Variants in MROH2A observed in about 807,000 individuals in gnomAD.
MROH2A encodes maestro heat like repeat family member 2A.
A neutral mutation model predicts 200.4 loss-of-function variants in MROH2A; 174 were observed. The ratio of observed to expected loss-of-function variants is 0.87; its 90% CI spans 0.77 to 0.98. The LOEUF is 0.98. Ranked by LOEUF, MROH2A falls within the 50% of genes least tolerant of loss-of-function variation. The pLI is 0.00. For missense variants in MROH2A, 2,045 were observed against 2,139.6 expected (o/e 0.96, Z 0.87); for synonymous variants, 829 against 840.4 (o/e 0.99, Z 0.23).
intron 39 of MROH2A, 125 bp from the exon 40 acceptor site, chr2:233,832,052 T>C: frequency 2.8e-6 from 2 of 717,240 alleles, no homozygotes; most frequent in Non-Finnish European, 4.7e-6. Context: ...TCACCTGCTG[T>C]GTGACGCTGG....
At position 233,795,762 on chromosome 2, in the gene MROH2A, C is replaced by T; in HGVS notation, c.1059+17C>T. 6 of 1,550,944 alleles carry T rather than the reference C, an allele frequency of 3.9e-6. No individual in the cohort carries two copies. Among genetic ancestry groups the T allele is most frequent in the Non-Finnish European group, 5.2e-6 (6 of 1,147,072 alleles). On this transcript the variant is annotated intron_variant, in intron 9 of 41. Coordinates refer to ENST00000389758, the MANE Select transcript of MROH2A (RefSeq NM_001394639.1). ...CACGTCCAGGTGAGGCCAGCAAGCT[C>T]AGCTGGACAAGGGCATTCTCTGGGT... is the stretch of plus-strand genomic sequence containing the variant.
At chr2:233,819,238 G>A in intron 29 of MROH2A, 79 bp from the exon 30 acceptor site, 2 of 1,391,638 alleles carry the variant, frequency 1.4e-6, no homozygotes, top group Non-Finnish European at 2.0e-6. Context: ...GGGGCCATGG[G>A]GTGGGACAGG....
rs186378078 is a variant in MROH2A at position 233,812,511 on chromosome 2, G to A, written c.2651+552G>A. On this transcript the variant is annotated intron_variant, in intron 24 of 41. Coordinates refer to ENST00000389758, the MANE Select transcript of MROH2A (RefSeq NM_001394639.1). ...ATAGGGGAAGATTCATTACTTAGGC[G>A]CATAGCAGAACTATCTGTTACTTTA... Among the ~76,000 whole-genome samples, 331 of 152,300 alleles carry A rather than the reference G, an allele frequency of 2.2e-3. 1 individual carries two copies. The highest frequency in any genetic ancestry group is 7.7e-3 in the East Asian group (40 of 5,184).
intron 13 of MROH2A, 38 bp from the exon 14 acceptor site, chr2:233,800,167 T>C (rs1415560417): frequency 6.9e-7 from 1 of 1,442,116 alleles, no homozygotes; most frequent in East Asian, 2.5e-5. Flanking sequence ...AAACCTCTGC[T>C]AGGCCACAGG....
At chr2:233,814,535 T>C (rs1703386756) in intron 25 of MROH2A, 47 bp from the exon 26 acceptor site, 1 of 1,409,954 alleles carries the variant, frequency 7.1e-7, no homozygotes, top group Non-Finnish European at 9.8e-7. Flanking sequence ...AGGGGGGTTG[T>C]GGGTGCCCCT....
At position 233,819,775 on chromosome 2, in the gene MROH2A, G is replaced by T. The variant is rs888775465; in HGVS notation, c.3358-127G>T. The T allele has an allele frequency of 3.8e-6, 4 of 1,054,974 alleles. No homozygotes were observed. The African/African-American group carries it at 4.8e-5, about 13-fold the overall frequency. The allele number at this position is 1,054,974 out of a possible 1,614,324, so 65.4% of individuals were successfully genotyped here. On this transcript the variant is annotated intron_variant, in intron 30 of 41. Transcript: ENST00000389758. ...GACCAGAGGATGCACTAGAGAGGGT[G>T]CTGGGCGCTTAACCTCCCCATTGTC...
In MROH2A at chr2:233,807,625, TTTGTG is replaced by T; in HGVS notation, c.2172+85_2172+89del. On this transcript the variant is annotated intron_variant, in intron 20 of 41. Transcript: ENST00000389758. The surrounding 1 kb of genome is among the most constrained non-coding windows in gnomAD (Gnocchi z 4.3). ...TGTGTGTTCATGTGGCTGCATGCGT[TTTGTG>T]TGTGTGTGTGTACATGTGTGTGTGC... is the stretch of plus-strand genomic sequence containing the variant. The T allele has an allele frequency of 1.9e-6, 3 of 1,540,984 alleles. No individual in the cohort carries two copies. Among genetic ancestry groups the T allele is most frequent in the Non-Finnish European group, 2.6e-6 (3 of 1,141,396 alleles).
intron 27 of MROH2A, among the ~76,000 whole-genome samples, chr2:233,817,615 C>A (rs28900682): frequency 0.065 from 9,918 of 152,292 alleles, 564 homozygotes; most frequent in African/African-American, 0.14. Flanking sequence ...ATCATCTCCA[C>A]TGTGCAGACA....
Position 233,794,383 on chromosome 2 carries a change from G to A in MROH2A, c.843G>A (p.Lys281=). 1 of 1,550,528 alleles carries A rather than the reference G, an allele frequency of 6.4e-7. No individual in the cohort carries two copies. Reference sequence around the variant, plus strand: ...GGCAGGTGAAGCTGGGGGTGATCAAGTCCCTGAAGCCCATGCTCGGCCTCC... The same window carrying A: ...GGCAGGTGAAGCTGGGGGTGATCAAATCCCTGAAGCCCATGCTCGGCCTCC... The part of the protein sequence containing the change: ...YNPEVKLGVI[K]SLKPMLGLLL... Residue 281 remains lysine, a synonymous_variant, in exon 8 of 42, where the codon AAG becomes AAA. Transcript: ENST00000389758.
chr2:233,821,574 T>A (rs568116240), intron 31 of MROH2A, among the ~76,000 whole-genome samples: 47 of 152,360 alleles, frequency 3.1e-4, no homozygotes, highest in South Asian at 1.9e-3. Flanking sequence ...TGTGCCTCTG[T>A]ACCTATCCTG....
At chr2:233,813,292 T>TGCTGCTGCTGCTGCTGCTGCC in intron 24 of MROH2A, among the ~76,000 whole-genome samples, 1 of 152,332 alleles carries the variant, frequency 6.6e-6, no homozygotes, top group East Asian at 1.9e-4. Flanking sequence ...CTGCTGCTGC[T>TGCTGCTGCTGCTGCTGCTGCC]GGTGATGGTG....
At chr2:233,790,265 ATCTC>A (rs3064745) in intron 5 of MROH2A, among the ~76,000 whole-genome samples, 1 of 148,946 alleles carries the variant, frequency 6.7e-6, no homozygotes, top group East Asian at 2.0e-4. Context: ...CTGTCTTTCC[ATCTC>A]TCTTTCTTTT....
In MROH2A at chr2:233,829,776, G is replaced by A. The variant is rs777203632; in HGVS notation, c.4602+1G>A. ...GGACCCCTGCTCCAATGCAGCCCAAGTAAGATACATCCTGGGCTTTGTGTC... is the reference window on the plus strand; with the variant it reads ...GGACCCCTGCTCCAATGCAGCCCAAATAAGATACATCCTGGGCTTTGTGTC... On this transcript the variant is annotated splice_donor_variant, in intron 38 of 41. Coordinates refer to ENST00000389758, the MANE Select transcript of MROH2A (RefSeq NM_001394639.1). LOFTEE classifies it high-confidence loss of function. 1.8e-5 allele frequency: 25 copies of A among 1,363,290 alleles called. No homozygotes were observed. Among genetic ancestry groups the A allele is most frequent in the Non-Finnish European group, 2.4e-5 (25 of 1,050,956 alleles). The allele number at this position is 1,363,290 out of a possible 1,614,324, so 84.4% of individuals were successfully genotyped here.
At chr2:233,819,543 C>T (rs756464910) in intron 30 of MROH2A, 74 bp downstream of exon 30, 69 of 1,441,136 alleles carry the variant, frequency 4.8e-5, no homozygotes, top group Middle Eastern at 2.2e-4. Context: ...GAGGGAAGGA[C>T]GAGGGCCTCA....
At chr2:233,785,414 A>G (rs966377144) in intron 3 of MROH2A, among the ~76,000 whole-genome samples, 45 of 147,394 alleles carry the variant, frequency 3.1e-4, no homozygotes, top group African/African-American at 1.1e-3. Context: ...GGCTGCAGTG[A>G]GCCATTTTGC....
At chr2:233,821,661 AGGTG>A (rs1703944543) in intron 31 of MROH2A, among the ~76,000 whole-genome samples, 3 of 152,224 alleles carry the variant, frequency 2.0e-5, no homozygotes, top group Non-Finnish European at 2.9e-5. Context: ...GTAGTTTGGC[AGGTG>A]GCCTGACTGC....
intron 3 of MROH2A, among the ~76,000 whole-genome samples, chr2:233,788,064 T>A (rs1181922835): frequency 8.2e-5 from 3 of 36,740 alleles, no homozygotes; most frequent in Non-Finnish European, 1.5e-4. Context: ...ATACATATAT[T>A]ATATATATAC....
intron 18 of MROH2A, 41 bp from the exon 19 acceptor site, chr2:233,804,963 A>T: frequency 8.2e-7 from 1 of 1,220,652 alleles, no homozygotes; most frequent in Non-Finnish European, 1.2e-6. Flanking sequence ...ACAAGGATGA[A>T]GGCCTTTGGC....
At chr2:233,798,622 C>T (rs979951880) in intron 11 of MROH2A, among the ~76,000 whole-genome samples, 152 bp from the exon 12 acceptor site, 1 of 152,126 alleles carries the variant, frequency 6.6e-6, no homozygotes, top group African/African-American at 2.4e-5. Context: ...GGGAGATGGC[C>T]AGGGAGAGCA....
Sources: gnomAD v4.1 joint callset for allele counts (sites outside exome capture counted in the v4.1 genomes callset) on GRCh38, gnomAD v4.1.1 for gene constraint, Gnocchi (gnomAD v3.1) non-coding constraint, MANE v1.5 for transcripts, NCBI Gene and HGNC (gene_info 2026-07-23, HGNC 2026-07-21) for gene names.